DOCK1: variants seen among roughly 807,000 people sequenced by gnomAD.
The protein encoded by DOCK1 is dedicator of cytokinesis protein 1.
In DOCK1, 138 loss-of-function variants were observed where a neutral mutation model predicts 262.7. The observed-to-expected ratio is 0.53, with a 90% CI of 0.46 to 0.61. The LOEUF is 0.61. Ranked by LOEUF, DOCK1 falls within the 20% of genes least tolerant of loss-of-function variation. The pLI is 0.00. For missense variants in DOCK1, 1,908 were observed against 2,370.7 expected (o/e 0.80, Z 4.05); for synonymous variants, 866 against 867.4 (o/e 1.00, Z 0.03).
intron 27 of DOCK1, chr10:127,136,153 G>A (rs2050678858): frequency 6.6e-6 from 1 of 152,008 alleles, no homozygotes; most frequent in Admixed American, 6.6e-5. Context: ...AGTGTTGTTT[G>A]GCCCCCGAAG....
At chr10:127,337,537 G>A (rs1012907664) in intron 29 of DOCK1, among the ~76,000 whole-genome samples, 3 of 151,950 alleles carry the variant, frequency 2.0e-5, no homozygotes, top group African/African-American at 7.3e-5. Context: ...AAATTTAACT[G>A]GGCATCCTAT....
chr10:126,956,664 A>G, intron 1 of DOCK1, among the ~76,000 whole-genome samples: 1 of 152,200 alleles, frequency 6.6e-6, no homozygotes, highest in South Asian at 2.1e-4. Context: ...GGACCTTCAT[A>G]TGCAGGAGCT....
Position 127,248,119 on chromosome 10 carries a change from C to T in DOCK1, c.2949+10C>T, listed in dbSNP as rs762373501. The T allele has an allele frequency of 6.2e-7, 1 of 1,610,750 alleles. No individual in the cohort carries two copies. Among genetic ancestry groups the T allele is most frequent in the South Asian group, 1.1e-5 (1 of 90,774 alleles). ...GAGGACTGATGTGGTAGTAAGTGTC[C>T]CTTTCACCCTGTTCACATAACCATG... On this transcript the variant is annotated intron_variant, in intron 28 of 51. Coordinates refer to ENST00000623213, the MANE Select transcript of DOCK1 (RefSeq NM_001290223.2).
intron 10 of DOCK1, among the ~76,000 whole-genome samples, chr10:127,006,941 AT>A (rs2135246820): frequency 6.6e-6 from 1 of 152,198 alleles, no homozygotes; most frequent in East Asian, 1.9e-4. Context: ...AAATGAGTTT[AT>A]TGAAGGATGC....
chr10:127,013,057 C>T (rs768485492), intron 12 of DOCK1, among the ~76,000 whole-genome samples: 36 of 152,340 alleles, frequency 2.4e-4, no homozygotes, highest in Non-Finnish European at 4.0e-4. Flanking sequence ...CTTCATCGTC[C>T]AGCTACCTTA....
chr10:127,012,159 C>T lies in DOCK1; in HGVS notation c.1059-73C>T. 1 of 780,482 alleles carries T rather than the reference C, an allele frequency of 1.3e-6. No homozygotes were observed. The highest frequency in any genetic ancestry group is 2.3e-6 in the Non-Finnish European group (1 of 443,294). The allele number at this position is 780,482 out of a possible 1,614,324, so 48.3% of individuals were successfully genotyped here. ...CTCGGTGACGATGATCTCTTATGTTCCCTTGTTACCGTGGCCCATGGGTCT... is the reference window on the plus strand; with the variant it reads ...CTCGGTGACGATGATCTCTTATGTTTCCTTGTTACCGTGGCCCATGGGTCT... On this transcript the variant is annotated intron_variant, in intron 11 of 51. Coordinates refer to ENST00000623213, the MANE Select transcript of DOCK1 (RefSeq NM_001290223.2). This position sits in a 1 kb window ranked among gnomAD's most constrained non-coding sequence, Gnocchi z 4.0.
chr10:127,318,689 G>T (rs965660085), intron 29 of DOCK1, among the ~76,000 whole-genome samples: 8 of 152,178 alleles, frequency 5.3e-5, no homozygotes, highest in African/African-American at 1.7e-4. Flanking sequence ...GGACTTTTGC[G>T]CCAGGACTAT....
At chr10:127,244,519 A>G (rs1344583825) in intron 27 of DOCK1, among the ~76,000 whole-genome samples, 2 of 152,216 alleles carry the variant, frequency 1.3e-5, no homozygotes, top group East Asian at 1.9e-4. Context: ...ACAGCACACA[A>G]GAGTCCTCGT....
At chr10:127,081,343 A>G (rs1355036854) in intron 23 of DOCK1, among the ~76,000 whole-genome samples, 1 of 147,332 alleles carries the variant, frequency 6.8e-6, no homozygotes, top group Non-Finnish European at 1.5e-5. Context: ...ATTCTTGCCT[A>G]TTAATTTGTG....
intron 29 of DOCK1, among the ~76,000 whole-genome samples, chr10:127,303,630 A>G (rs2061769156): frequency 1.4e-5 from 2 of 143,728 alleles, no homozygotes; most frequent in African/African-American, 5.4e-5. Flanking sequence ...AGGCCACAGT[A>G]AGAGCATCAT....
intron 33 of DOCK1, among the ~76,000 whole-genome samples, chr10:127,368,426 T>G (rs1306371917): frequency 6.6e-6 from 1 of 152,078 alleles, no homozygotes; most frequent in East Asian, 1.9e-4. Flanking sequence ...CTCTGCCCCC[T>G]TTCCTTACAG....
chr10:127,387,245 C>T (rs947925976), intron 38 of DOCK1, among the ~76,000 whole-genome samples: 1 of 152,254 alleles, frequency 6.6e-6, no homozygotes, highest in Admixed American at 6.5e-5. Context: ...ACTGGCCCTT[C>T]TGCGTCCTGA....
chr10:127,437,661 T>C lies in DOCK1; in HGVS notation c.5061-1366T>C, dbSNP rs1012258176. On this transcript the variant is annotated intron_variant, in intron 48 of 51. Coordinates refer to ENST00000623213, the MANE Select transcript of DOCK1 (RefSeq NM_001290223.2). This position sits in a 1 kb window ranked among gnomAD's most constrained non-coding sequence, Gnocchi z 4.4. ...GCCCAGCTAATTTTTGTACGTTTTA[T>C]CGAGACTGGATCTTGCCATGTTGGC... Among the ~76,000 whole-genome samples the C allele has an allele frequency of 2.0e-5, 3 of 152,134 alleles. No homozygotes were observed. The highest frequency in any genetic ancestry group is 7.2e-5 in the African/African-American group (3 of 41,436).
intron 10 of DOCK1, among the ~76,000 whole-genome samples, chr10:127,005,406 A>G (rs756343097): frequency 5.3e-5 from 8 of 152,112 alleles, no homozygotes; most frequent in African/African-American, 7.2e-5. Flanking sequence ...ATCGTATTCT[A>G]TCTGTTCATA....
chr10:127,153,962 TG>T (rs768106968), intron 27 of DOCK1: 9 of 1,460,988 alleles, frequency 6.2e-6, no homozygotes, highest in Admixed American at 1.7e-5. Context: ...AAGCGGTGGC[TG>T]GGGGTCACTG....
At chr10:127,337,732 T>C (rs2063263586) in intron 29 of DOCK1, among the ~76,000 whole-genome samples, 1 of 152,238 alleles carries the variant, frequency 6.6e-6, no homozygotes, top group African/African-American at 2.4e-5. Flanking sequence ...CCTGCAGTTT[T>C]CTTTAGTGAC....
chr10:127,279,341 GATCTTT>G (rs1310488078), intron 29 of DOCK1, among the ~76,000 whole-genome samples: 9 of 152,284 alleles, frequency 5.9e-5, no homozygotes, highest in African/African-American at 2.2e-4. Flanking sequence ...CAGGTCATAT[GATCTTT>G]ATTTTTCAGT....
intron 29 of DOCK1, among the ~76,000 whole-genome samples, chr10:127,306,853 A>G (rs1043749177): frequency 3.3e-5 from 5 of 152,182 alleles, no homozygotes; most frequent in African/African-American, 1.2e-4. Flanking sequence ...GATTTCTTAA[A>G]AGGAATTTTA....
intron 40 of DOCK1, among the ~76,000 whole-genome samples, 195 bp downstream of exon 40, chr10:127,404,624 T>C (rs2067412032): frequency 6.6e-6 from 1 of 152,212 alleles, no homozygotes; most frequent in South Asian, 2.1e-4. Context: ...AACCTTTCTA[T>C]CTGATTTTTC....
Sources: allele counts gnomAD v4.1 joint callset (sites outside exome capture counted in the v4.1 genomes callset), GRCh38; gene constraint gnomAD v4.1.1; non-coding constraint Gnocchi (gnomAD v3.1); transcripts MANE v1.5; gene names NCBI Gene and HGNC (gene_info 2026-07-23, HGNC 2026-07-21).